Variants in MYO16 observed in about 807,000 individuals in gnomAD.
The protein encoded by MYO16 is myosin XVI.
In MYO16, 94 loss-of-function variants were observed where a neutral mutation model predicts 205.3. The observed-to-expected ratio is 0.46, with a 90% CI of 0.39 to 0.54. The LOEUF is 0.54. Ranked by LOEUF, MYO16 falls within the 20% of genes least tolerant of loss-of-function variation. The pLI, the probability that MYO16 is intolerant of heterozygous loss-of-function variation, is 0.00. For synonymous variants in MYO16, 988 were observed against 954.0 expected, an observed-to-expected ratio of 1.04 and a Z score of -0.66; for missense variants, 2,315 against 2,387.5, an observed-to-expected ratio of 0.97 and a Z score of 0.63.
chr13:109,149,308 C>T (rs1877517039), intron 32 of MYO16, among the ~76,000 whole-genome samples: 1 of 152,160 alleles, frequency 6.6e-6, no homozygotes, highest in Non-Finnish European at 1.5e-5. Context: ...CTCCTGTTGA[C>T]CAAGCACATT....
chr13:109,022,832 A>G (rs973819460), intron 23 of MYO16, among the ~76,000 whole-genome samples: 5 of 135,092 alleles, frequency 3.7e-5, no homozygotes, highest in African/African-American at 1.4e-4. Flanking sequence ...CAATATATAA[A>G]CATAGTATAT....
intron 31 of MYO16, among the ~76,000 whole-genome samples, chr13:109,137,195 A>G (rs112885298): frequency 0.03 from 4,544 of 152,232 alleles, 93 homozygotes; most frequent in Middle Eastern, 0.078. Context: ...AGGCCTGTAC[A>G]TGGAAGTCAG....
intron 27 of MYO16, among the ~76,000 whole-genome samples, chr13:109,060,634 CA>C (rs1002697022): frequency 6.6e-6 from 1 of 152,098 alleles, no homozygotes; most frequent in African/African-American, 2.4e-5. Flanking sequence ...ACATGTATCC[CA>C]GAACTTGAAG....
chr13:108,588,782 G>T, the MYO16 span, among the ~76,000 whole-genome samples: 3 of 152,014 alleles, frequency 2.0e-5, no homozygotes, highest in East Asian at 5.8e-4. Context: ...TTTTCCTCAG[G>T]TTGCATGATT....
chr13:108,828,208 C>G (rs432905), intron 9 of MYO16, among the ~76,000 whole-genome samples: 1 of 151,874 alleles, frequency 6.6e-6, no homozygotes, highest in Non-Finnish European at 1.5e-5. Context: ...CGTGTGCTAA[C>G]TCTGTTATTG....
intron 7 of MYO16, among the ~76,000 whole-genome samples, chr13:108,817,952 T>C (rs542261292): frequency 7.9e-5 from 12 of 152,272 alleles, no homozygotes; most frequent in African/African-American, 2.9e-4. Flanking sequence ...CTGTCCCTAT[T>C]TGAGACATAA....
intron 2 of MYO16, among the ~76,000 whole-genome samples, chr13:108,692,483 T>C (rs930339330): frequency 1.3e-5 from 2 of 152,210 alleles, no homozygotes; most frequent in Admixed American, 6.5e-5. Context: ...GGCCTAACTC[T>C]GACAGATAGA....
At chr13:108,504,184 C>T in the MYO16 span, among the ~76,000 whole-genome samples, 12 of 151,796 alleles carry the variant, frequency 7.9e-5, no homozygotes, top group East Asian at 2.0e-4. Context: ...TGCAGTGGCA[C>T]GATCTCAGCT....
intron 4 of MYO16, among the ~76,000 whole-genome samples, chr13:108,764,891 C>A (rs1885728602): frequency 6.6e-6 from 1 of 152,172 alleles, no homozygotes; most frequent in South Asian, 2.1e-4. Flanking sequence ...ACTATGGACA[C>A]AACAGAACAG....
intron 10 of MYO16, 174 bp from the exon 11 acceptor site, chr13:108,855,269 C>G (rs922112391): frequency 3.0e-5 from 12 of 396,018 alleles, no homozygotes; most frequent in Non-Finnish European, 2.7e-5. Context: ...TGCTCTGTGG[C>G]TTTAGAGTTT....
intron 2 of MYO16, among the ~76,000 whole-genome samples, chr13:108,699,751 TA>T (rs1284440251): frequency 1.3e-5 from 2 of 152,210 alleles, no homozygotes; most frequent in African/African-American, 4.8e-5. Flanking sequence ...AGTTTGACAA[TA>T]GCCTTTTGAA....
upstream of MYO16, among the ~76,000 whole-genome samples, chr13:108,627,154 T>C (rs548114154): frequency 8.6e-5 from 13 of 151,922 alleles, no homozygotes; most frequent in East Asian, 2.5e-3. Flanking sequence ...TCCTCAGTAT[T>C]AATGCCTGCA....
chr13:108,777,158 G>A (rs531971330), intron 4 of MYO16, among the ~76,000 whole-genome samples: 7 of 152,102 alleles, frequency 4.6e-5, no homozygotes, highest in East Asian at 1.9e-4. Context: ...GCCCTAGGCC[G>A]TAAAGTTCAT....
intron 1 of MYO16, among the ~76,000 whole-genome samples, chr13:108,630,432 T>A (rs1163478800): frequency 3.9e-5 from 6 of 152,220 alleles, no homozygotes; most frequent in Non-Finnish European, 7.3e-5. Flanking sequence ...CTGATGTTCA[T>A]ATGGTGAAAT....
At chr13:108,739,471 C>G (rs891099414) in intron 4 of MYO16, among the ~76,000 whole-genome samples, 3 of 152,234 alleles carry the variant, frequency 2.0e-5, no homozygotes, top group African/African-American at 7.2e-5. Context: ...GGCCCCCACT[C>G]TCTTCTGACT....
chr13:109,095,398 A>G (rs1335879379), intron 27 of MYO16, among the ~76,000 whole-genome samples: 1 of 152,100 alleles, frequency 6.6e-6, no homozygotes, highest in Non-Finnish European at 1.5e-5. Flanking sequence ...TACTGGGGGA[A>G]CGTGTTTTAG....
the MYO16 span, among the ~76,000 whole-genome samples, chr13:108,567,404 G>A: frequency 6.6e-6 from 1 of 152,220 alleles, no homozygotes; most frequent in Non-Finnish European, 1.5e-5. Context: ...GACTTTGTTA[G>A]CCCGGGTGAT....
chr13:108,782,837 G>A (rs2138914851), intron 4 of MYO16, among the ~76,000 whole-genome samples: 1 of 152,312 alleles, frequency 6.6e-6, no homozygotes, highest in East Asian at 1.9e-4. Flanking sequence ...ATGTGGTATT[G>A]AGCCTGCAGG....
chr13:109,062,744 T>C (rs574544719), intron 27 of MYO16, among the ~76,000 whole-genome samples: 3 of 152,144 alleles, frequency 2.0e-5, no homozygotes, highest in Admixed American at 1.3e-4. Context: ...TTAGTATTTC[T>C]TGAGTATTCA....
Sources: allele counts gnomAD v4.1 joint callset (sites outside exome capture counted in the v4.1 genomes callset), GRCh38; gene constraint gnomAD v4.1.1; transcripts MANE v1.5; gene names NCBI Gene and HGNC (gene_info 2026-07-23, HGNC 2026-07-21).